Variants in AMMECR1 observed in about 807,000 individuals in gnomAD.
The protein encoded by AMMECR1 is AMMECR nuclear protein 1.
Under a neutral mutation model 22.5 loss-of-function variants are expected in AMMECR1, and 3 were observed. The ratio of observed to expected loss-of-function variants is 0.13; its 90% CI spans 0.06 to 0.35. The LOEUF is 0.35. Among genes scored for constraint, AMMECR1 ranks in the 10% least tolerant of loss-of-function variants. The probability of loss-of-function intolerance (pLI) is 1.00; values close to 1 mark genes in which losing one functional copy is unlikely to be tolerated. For synonymous variants in AMMECR1, 130 were observed against 116.7 expected (o/e 1.11, Z -0.74); for missense variants, 235 against 278.7 (o/e 0.84, Z 1.12).
chrX:110,287,355 A>G (rs2067885735), intron 1 of AMMECR1, among the ~76,000 whole-genome samples: 2 of 112,146 alleles, frequency 1.8e-5, no homozygotes, highest in South Asian at 7.5e-4. Context: ...AAAACTGTCA[A>G]ATTGTTTTGG....
At chrX:110,264,881 A>G (rs1479026066) in intron 1 of AMMECR1, among the ~76,000 whole-genome samples, 1 of 111,895 alleles carries the variant, frequency 8.9e-6, no homozygotes, top group African/African-American at 3.2e-5. Context: ...GGCTGATACT[A>G]ACATTCCTAT....
intron 2 of AMMECR1, among the ~76,000 whole-genome samples, chrX:110,426,017 C>G (rs1360188994): frequency 8.9e-6 from 1 of 112,442 alleles, no homozygotes; most frequent in African/African-American, 3.2e-5. Flanking sequence ...CACACACACA[C>G]ACACATCCTG....
intron 2 of AMMECR1, among the ~76,000 whole-genome samples, chrX:110,368,064 C>T (rs1479907957): frequency 9.4e-6 from 1 of 106,722 alleles, no homozygotes; most frequent in African/African-American, 3.4e-5. Context: ...TGGTCTTGAA[C>T]TTCTGGCCTA....
chrX:110,253,891 G>T (rs1286358178), intron 2 of AMMECR1, among the ~76,000 whole-genome samples: 1 of 111,793 alleles, frequency 8.9e-6, no homozygotes, highest in Non-Finnish European at 1.9e-5. Flanking sequence ...TAGATTCAAA[G>T]CAATTATTAT....
chrX:110,425,478 C>G (rs1331363539), intron 2 of AMMECR1, among the ~76,000 whole-genome samples: 1 of 112,965 alleles, frequency 8.9e-6, no homozygotes, highest in Non-Finnish European at 1.9e-5. Flanking sequence ...CCATAAATAA[C>G]CACTTTAATG....
At chrX:110,368,502 C>T (rs1366150632) in intron 2 of AMMECR1, among the ~76,000 whole-genome samples, 2 of 111,920 alleles carry the variant, frequency 1.8e-5, no homozygotes, top group Non-Finnish European at 3.8e-5. Context: ...GTTTCTTCCT[C>T]ATAGAGTGTC....
intron 2 of AMMECR1, among the ~76,000 whole-genome samples, chrX:110,220,099 T>C (rs773676000): frequency 6.3e-5 from 7 of 111,854 alleles, no homozygotes; most frequent in Non-Finnish European, 1.3e-4. Flanking sequence ...GTTGAAATTG[T>C]GCTTTTAGAG....
intron 2 of AMMECR1, among the ~76,000 whole-genome samples, chrX:110,371,039 G>A (rs2068335075): frequency 9.0e-6 from 1 of 111,212 alleles, no homozygotes; most frequent in East Asian, 2.8e-4. Context: ...ATATGGCTCT[G>A]TCTGTATAAA....
chrX:110,354,977 C>T (rs571520726), intron 2 of AMMECR1, among the ~76,000 whole-genome samples: 3 of 112,124 alleles, frequency 2.7e-5, no homozygotes, highest in Middle Eastern at 4.6e-3. Flanking sequence ...CAGACATAGG[C>T]GACAAAAGCA....
At chrX:110,344,566 A>AAC (rs2068180178) in intron 2 of AMMECR1, among the ~76,000 whole-genome samples, 3 of 111,348 alleles carry the variant, frequency 2.7e-5, no homozygotes, top group Non-Finnish European at 5.6e-5. Context: ...CAACCTATGG[A>AAC]ATGGGAGAAA....
At chrX:110,360,757 G>A (rs1339118008) in intron 2 of AMMECR1, among the ~76,000 whole-genome samples, 1 of 111,194 alleles carries the variant, frequency 9.0e-6, no homozygotes, top group Non-Finnish European at 1.9e-5. Flanking sequence ...CCAGTTAGGA[G>A]GCTATTGTAA....
At chrX:110,365,119 T>C (rs916650233) in intron 2 of AMMECR1, among the ~76,000 whole-genome samples, 1 of 111,960 alleles carries the variant, frequency 8.9e-6, no homozygotes, top group Admixed American at 9.5e-5. Flanking sequence ...CCCAGGGATG[T>C]CTTTCTCAGA....
At chrX:110,201,807 C>A (rs762405707) in intron 4 of AMMECR1, among the ~76,000 whole-genome samples, 3 of 111,836 alleles carry the variant, frequency 2.7e-5, no homozygotes, top group African/African-American at 9.7e-5. Flanking sequence ...AGATTCATTT[C>A]GACCAACATG....
intron 1 of AMMECR1, among the ~76,000 whole-genome samples, chrX:110,431,323 C>A (rs866827455): frequency 1.1e-5 from 1 of 94,949 alleles, no homozygotes; most frequent in Admixed American, 1.1e-4. Flanking sequence ...GAGGGGAAGG[C>A]TGTGTGTGTG....
At chrX:110,321,004 G>A (rs987294630), upstream of AMMECR1, among the ~76,000 whole-genome samples, 2 of 111,965 alleles carry the variant, frequency 1.8e-5, no homozygotes, top group African/African-American at 3.3e-5. Flanking sequence ...GGTGATGGTG[G>A]TAATGTCTCC....
intron 4 of AMMECR1, 26 bp downstream of exon 4, chrX:110,202,420 C>T (rs779348289): frequency 7.1e-6 from 8 of 1,123,347 alleles, no homozygotes; most frequent in Non-Finnish European, 9.8e-6. Context: ...TTCACCAGAT[C>T]ATATGAAATA....
intron 2 of AMMECR1, among the ~76,000 whole-genome samples, chrX:110,226,593 T>A (rs1326519983): frequency 9.1e-6 from 1 of 110,071 alleles, no homozygotes; most frequent in Admixed American, 9.6e-5. Flanking sequence ...GGCAACAAAG[T>A]GAGACTCCAT....
chrX:110,383,202 T>A (rs1441441042), intron 2 of AMMECR1, among the ~76,000 whole-genome samples: 1 of 111,409 alleles, frequency 9.0e-6, no homozygotes, highest in Non-Finnish European at 1.9e-5. Context: ...TCTGTCCCTT[T>A]CTCAGTTGAA....
chrX:110,318,562 C>G (rs1437939218), upstream of AMMECR1, among the ~76,000 whole-genome samples: 1 of 110,555 alleles, frequency 9.0e-6, no homozygotes, highest in Non-Finnish European at 1.9e-5. Flanking sequence ...AGTAACCCCC[C>G]GCCGCAAGCA....
Sources: gnomAD v4.1 joint callset for allele counts (sites outside exome capture counted in the v4.1 genomes callset) on GRCh38, gnomAD v4.1.1 for gene constraint, MANE v1.5 for transcripts, NCBI Gene and HGNC (gene_info 2026-07-23, HGNC 2026-07-21) for gene names.